TSHZ2: variants seen among roughly 807,000 people sequenced by gnomAD.
TSHZ2 encodes teashirt zinc finger homeobox 2, also known as teashirt homolog 2.
TSHZ2 carries 21 observed loss-of-function variants against 74.4 expected under a neutral mutation model. The ratio of observed to expected loss-of-function variants is 0.28; its 90% confidence interval spans 0.20 to 0.41. TSHZ2 has a LOEUF of 0.41. Ranked by LOEUF, TSHZ2 falls within the 10% of genes least tolerant of loss-of-function variation. The pLI is 1.00. For synonymous variants in TSHZ2, 540 were observed against 515.3 expected (o/e 1.05, Z -0.65); for missense variants, 1,244 against 1,293.5 (o/e 0.96, Z 0.59).
chr20:53,175,701 G>A (rs1345466325), intron 1 of TSHZ2, among the ~76,000 whole-genome samples: 1 of 152,160 alleles, frequency 6.6e-6, no homozygotes, highest in East Asian at 1.9e-4. Context: ...GCCATACAGT[G>A]AATCAGGAAT....
intron 1 of TSHZ2, among the ~76,000 whole-genome samples, chr20:53,238,071 T>C (rs943513820): frequency 6.6e-6 from 1 of 152,140 alleles, no homozygotes; most frequent in Non-Finnish European, 1.5e-5. Context: ...GCCTTTGTGT[T>C]CTGCCCTTTT....
chr20:53,009,300 T>C (rs1305377721), intron 1 of TSHZ2, among the ~76,000 whole-genome samples: 1 of 152,116 alleles, frequency 6.6e-6, no homozygotes, highest in African/African-American at 2.4e-5. Context: ...ATCCTGCCAC[T>C]GTACTCCAGC....
chr20:53,155,538 T>C (rs1987775380), intron 1 of TSHZ2, among the ~76,000 whole-genome samples: 1 of 151,410 alleles, frequency 6.6e-6, no homozygotes, highest in Admixed American at 6.6e-5. Context: ...AGGGCACAGG[T>C]CTGGGAAGGA....
chr20:53,180,333 T>A (rs186520019), intron 1 of TSHZ2, among the ~76,000 whole-genome samples: 1 of 152,228 alleles, frequency 6.6e-6, no homozygotes, highest in Non-Finnish European at 1.5e-5. Context: ...CCCAGGATGA[T>A]GGCATTTTCC....
chr20:53,438,655 A>G (rs1304936016), intron 2 of TSHZ2, among the ~76,000 whole-genome samples: 1 of 152,142 alleles, frequency 6.6e-6, no homozygotes, highest in Non-Finnish European at 1.5e-5. Flanking sequence ...AAAGCAGTGG[A>G]TCCCCAAATA....
intron 1 of TSHZ2, among the ~76,000 whole-genome samples, chr20:52,994,265 G>T (rs1011689133): frequency 6.6e-6 from 1 of 152,220 alleles, no homozygotes; most frequent in Admixed American, 6.5e-5. Flanking sequence ...ACCCAGTGAG[G>T]TCTCAGGAAA....
At position 53,054,924 on chromosome 20, in the gene TSHZ2, C is replaced by T. The variant is rs898283387; in HGVS notation, c.40+81591C>T. On this transcript the variant is annotated intron_variant, in intron 1 of 2. Coordinates refer to ENST00000371497, the MANE Select transcript of TSHZ2 (RefSeq NM_173485.6). The stretch of plus-strand genomic sequence containing the variant: ...TTAAAGGAGGTGTTTTTGCTTAGTT[C>T]CTGACAATTACTGTCAGGTGAGAAT... 2.0e-5 allele frequency among the ~76,000 whole-genome samples: 3 copies of T among 152,198 alleles called. No homozygotes were observed. In the East Asian group the frequency reaches 5.8e-4, roughly 29 times the overall value.
intron 1 of TSHZ2, among the ~76,000 whole-genome samples, chr20:53,125,437 A>C (rs772453014): frequency 1.1e-4 from 17 of 152,174 alleles, no homozygotes; most frequent in Non-Finnish European, 1.8e-4. Flanking sequence ...GGTGAAGTAC[A>C]TTTAATGCCT....
intron 1 of TSHZ2, among the ~76,000 whole-genome samples, chr20:53,227,903 AT>A (rs1357342349): frequency 6.7e-6 from 1 of 149,608 alleles, no homozygotes; most frequent in Non-Finnish European, 1.5e-5. Flanking sequence ...CCTTTTTCTT[AT>A]TTTTAACGAA....
intron 2 of TSHZ2, among the ~76,000 whole-genome samples, chr20:53,462,079 A>G (rs1012442390): frequency 7.3e-5 from 11 of 150,472 alleles, no homozygotes; most frequent in Non-Finnish European, 1.6e-4. Flanking sequence ...TAAAAATACA[A>G]AAAAAAAAGA....
At chr20:52,985,473 T>C (rs1420998369) in intron 1 of TSHZ2, among the ~76,000 whole-genome samples, 2 of 152,198 alleles carry the variant, frequency 1.3e-5, no homozygotes. Context: ...GATTTCCTTA[T>C]TGGTAGAATG....
chr20:53,119,469 T>A (rs1394113495), intron 1 of TSHZ2, among the ~76,000 whole-genome samples: 2 of 152,162 alleles, frequency 1.3e-5, no homozygotes, highest in African/African-American at 4.8e-5. Context: ...CTCAGAGCCC[T>A]CAGTGCAGTC....
intron 2 of TSHZ2, among the ~76,000 whole-genome samples, chr20:53,334,868 G>A (rs1272318616): frequency 6.6e-6 from 1 of 152,026 alleles, no homozygotes; most frequent in African/African-American, 2.4e-5. Context: ...ATTTTTAGTA[G>A]AGACTGGGTT....
chr20:53,152,486 T>C (rs1987697338), intron 1 of TSHZ2, among the ~76,000 whole-genome samples: 1 of 152,202 alleles, frequency 6.6e-6, no homozygotes, highest in South Asian at 2.1e-4. Context: ...TGATTCTGAA[T>C]GGCTGAATGG....
intron 2 of TSHZ2, among the ~76,000 whole-genome samples, chr20:53,455,609 T>C (rs552957477): frequency 6.6e-6 from 1 of 152,234 alleles, no homozygotes; most frequent in East Asian, 1.9e-4. Flanking sequence ...CATGTGCACA[T>C]TGTGCAGGTT....
intron 1 of TSHZ2, chr20:53,178,986 GC>G (rs1988409610): frequency 6.6e-6 from 1 of 152,160 alleles, no homozygotes; most frequent in South Asian, 2.1e-4. Flanking sequence ...CGAAACATAA[GC>G]TGTAGTTTTA....
chr20:53,454,730 A>G (rs950650157), intron 2 of TSHZ2, among the ~76,000 whole-genome samples: 2 of 152,126 alleles, frequency 1.3e-5, no homozygotes, highest in African/African-American at 4.8e-5. Flanking sequence ...GTCCCATAGA[A>G]TGGATGGTTA....
chr20:52,992,649 T>C (rs1229529746), intron 1 of TSHZ2, among the ~76,000 whole-genome samples: 1 of 151,788 alleles, frequency 6.6e-6, no homozygotes, highest in Non-Finnish European at 1.5e-5. Flanking sequence ...TCCTCAAAGA[T>C]TTTTTTTTCT....
intron 2 of TSHZ2, among the ~76,000 whole-genome samples, chr20:53,478,880 AG>A (rs34734400): frequency 0.19 from 28,827 of 151,852 alleles, 2,834 homozygotes; most frequent in East Asian, 0.29. Context: ...TAAAAAAGAA[AG>A]GGGCCTGGCA....
Sources: allele counts gnomAD v4.1 joint callset (sites outside exome capture counted in the v4.1 genomes callset), GRCh38; gene constraint gnomAD v4.1.1; transcripts MANE v1.5; gene names NCBI Gene and HGNC (gene_info 2026-07-23, HGNC 2026-07-21).